MALRD1: variants seen among roughly 807,000 people sequenced by gnomAD.
The protein encoded by MALRD1 is MAM and LDL receptor class A domain containing 1, also known as MAM and LDL-receptor class A domain-containing protein 1.
Under a neutral mutation model 242.1 loss-of-function variants are expected in MALRD1, and 247 were observed. That is an observed-to-expected ratio of 1.02 (90% confidence interval 0.92 to 1.13). The LOEUF (loss-of-function observed/expected upper bound fraction) is 1.13. MALRD1 is among the 50% of genes most tolerant of loss of function. The pLI is 0.00. For synonymous variants in MALRD1, 995 were observed against 866.6 expected (o/e 1.15, Z -2.60); for missense variants, 2,989 against 2,533.1 (o/e 1.18, Z -3.86).
intron 38 of MALRD1, among the ~76,000 whole-genome samples, chr10:19,709,636 G>C (rs774814297): frequency 6.6e-6 from 1 of 152,084 alleles, no homozygotes; most frequent in African/African-American, 2.4e-5. Context: ...GTATTCCCTA[G>C]TTGCAGTGTA....
intron 11 of MALRD1, among the ~76,000 whole-genome samples, chr10:19,154,038 A>G (rs778704451): frequency 6.6e-6 from 1 of 152,196 alleles, no homozygotes; most frequent in Non-Finnish European, 1.5e-5. Flanking sequence ...ACCTTTTCCC[A>G]TTCTTTTCCT....
At chr10:19,171,953 G>C (rs572601411) in intron 13 of MALRD1, among the ~76,000 whole-genome samples, 2 of 109,616 alleles carry the variant, frequency 1.8e-5, no homozygotes, top group South Asian at 5.6e-4. Context: ...TATAATATAT[G>C]TATATATCAC....
intron 33 of MALRD1, among the ~76,000 whole-genome samples, chr10:19,591,832 G>A (rs1837804490): frequency 6.6e-6 from 1 of 152,138 alleles, no homozygotes; most frequent in Admixed American, 6.5e-5. Context: ...GTGGCAACTT[G>A]CATCCAAGTC....
chr10:19,700,947 A>G (rs1833594896), intron 38 of MALRD1, among the ~76,000 whole-genome samples: 1 of 152,138 alleles, frequency 6.6e-6, no homozygotes, highest in South Asian at 2.1e-4. Context: ...CTTTAGCTCA[A>G]GACTACCCTG....
At chr10:19,237,778 ATTAT>A (rs1350161902) in intron 18 of MALRD1, among the ~76,000 whole-genome samples, 19 of 113,922 alleles carry the variant, frequency 1.7e-4, no homozygotes, top group African/African-American at 2.3e-4. Flanking sequence ...TAAAAACATA[ATTAT>A]TTATAATTTT....
intron 21 of MALRD1, among the ~76,000 whole-genome samples, chr10:19,308,188 C>G: frequency 6.6e-6 from 1 of 151,352 alleles, no homozygotes; most frequent in East Asian, 2.0e-4. Flanking sequence ...CTCCCACTAC[C>G]TTTTCCAGCC....
At chr10:19,515,573 T>A (rs939151413) in intron 31 of MALRD1, among the ~76,000 whole-genome samples, 33 of 152,120 alleles carry the variant, frequency 2.2e-4, no homozygotes, top group African/African-American at 6.5e-4. Flanking sequence ...TTATTTATTT[T>A]TTTTGAGACA....
chr10:19,564,552 G>T (rs61136790), intron 32 of MALRD1, among the ~76,000 whole-genome samples: 7,512 of 151,952 alleles, frequency 0.049, 605 homozygotes, highest in African/African-American at 0.17. Context: ...AATGTTGACA[G>T]TTAATATATT....
At chr10:19,563,052 G>A (rs1215133572) in intron 32 of MALRD1, among the ~76,000 whole-genome samples, 1 of 152,090 alleles carries the variant, frequency 6.6e-6, no homozygotes, top group East Asian at 1.9e-4. Context: ...GTGAAGACTG[G>A]ATCAATGATT....
chr10:19,663,837 A>T (rs906543656), intron 36 of MALRD1, among the ~76,000 whole-genome samples: 3 of 151,988 alleles, frequency 2.0e-5, no homozygotes, highest in Admixed American at 2.0e-4. Context: ...ACAGGTGGAT[A>T]TGGTTAAAAT....
chr10:19,561,009 A>G (rs867910412), intron 32 of MALRD1, among the ~76,000 whole-genome samples: 5 of 152,188 alleles, frequency 3.3e-5, no homozygotes, highest in Admixed American at 6.5e-5. Context: ...TTTCCTGACT[A>G]TGCATAATTA....
intron 33 of MALRD1, among the ~76,000 whole-genome samples, chr10:19,593,742 G>T (rs1166696022): frequency 6.6e-6 from 1 of 152,166 alleles, no homozygotes; most frequent in African/African-American, 2.4e-5. Context: ...TTGACTTAAT[G>T]TAGACCCAAA....
intron 29 of MALRD1, chr10:19,491,077 G>T (rs1477974403): frequency 1.5e-5 from 4 of 269,010 alleles, no homozygotes; most frequent in Admixed American, 4.6e-5. Context: ...AGTCAAGACA[G>T]GAACATATCA....
chr10:19,441,376 T>A (rs1456514077), intron 28 of MALRD1, among the ~76,000 whole-genome samples: 3 of 152,224 alleles, frequency 2.0e-5, no homozygotes, highest in Non-Finnish European at 2.9e-5. Flanking sequence ...TGGCTTTTGT[T>A]GCCATTGTTT....
chr10:19,280,981 C>A (rs562718597), intron 20 of MALRD1, among the ~76,000 whole-genome samples: 10 of 152,252 alleles, frequency 6.6e-5, no homozygotes, highest in African/African-American at 2.2e-4. Flanking sequence ...GGGCTTAGAA[C>A]AGACAGATAA....
At chr10:19,070,197 A>G (rs1397104573) in intron 2 of MALRD1, among the ~76,000 whole-genome samples, 1 of 152,152 alleles carries the variant, frequency 6.6e-6, no homozygotes, top group Non-Finnish European at 1.5e-5. Flanking sequence ...TAATAGGATT[A>G]TGTCTCAATA....
chr10:19,245,671 C>G (rs186442310), intron 18 of MALRD1, among the ~76,000 whole-genome samples: 201 of 152,170 alleles, frequency 1.3e-3, no homozygotes, highest in Non-Finnish European at 2.5e-3. Flanking sequence ...TTAAATTTTC[C>G]TAATTATCAG....
intron 14 of MALRD1, among the ~76,000 whole-genome samples, chr10:19,194,029 A>T (rs1836119636): frequency 6.6e-6 from 1 of 151,370 alleles, no homozygotes; most frequent in African/African-American, 2.4e-5. Flanking sequence ...GTATACTGTT[A>T]ATGTGATTAT....
chr10:19,110,720 T>C (rs1425280217), intron 5 of MALRD1, among the ~76,000 whole-genome samples: 2 of 152,194 alleles, frequency 1.3e-5, no homozygotes, highest in African/African-American at 4.8e-5. Context: ...AGCTTAGTTT[T>C]AATGAGACAT....
Sources: allele counts gnomAD v4.1 joint callset (sites outside exome capture counted in the v4.1 genomes callset), GRCh38; gene constraint gnomAD v4.1.1; transcripts MANE v1.5; gene names NCBI Gene and HGNC (gene_info 2026-07-23, HGNC 2026-07-21).